PLPP1: variants seen among roughly 807,000 people sequenced by gnomAD.
The protein encoded by PLPP1 is phospholipid phosphatase 1, also known as lipid phosphate phosphohydrolase 1a.
Under a neutral mutation model 31.2 loss-of-function variants are expected in PLPP1, and 24 were observed. The ratio of observed to expected loss-of-function variants is 0.77; its 90% CI spans 0.56 to 1.08. PLPP1 has a LOEUF of 1.08. Ranked by LOEUF, PLPP1 falls within the 50% of genes least tolerant of loss-of-function variation. The pLI, the probability that PLPP1 is intolerant of heterozygous loss-of-function variation, is 0.00. For missense variants in PLPP1, 319 were observed against 342.7 expected (o/e 0.93, Z 0.55); for synonymous variants, 146 against 126.3 (o/e 1.16, Z -1.05).
chr5:55,446,345 AAT>A (rs1017331170), intron 3 of PLPP1, among the ~76,000 whole-genome samples: 3 of 152,190 alleles, frequency 2.0e-5, no homozygotes, highest in African/African-American at 4.8e-5. Context: ...CTGCTTAATC[AAT>A]ATGTTACACT....
chr5:55,527,264 T>C (rs1267611631), intron 1 of PLPP1, among the ~76,000 whole-genome samples: 1 of 152,188 alleles, frequency 6.6e-6, no homozygotes, highest in Non-Finnish European at 1.5e-5. Context: ...GATGTCAGCA[T>C]TATGGTAATA....
intron 3 of PLPP1, among the ~76,000 whole-genome samples, chr5:55,454,166 C>T (rs1235398586): frequency 2.0e-5 from 3 of 152,014 alleles, no homozygotes; most frequent in Admixed American, 2.0e-4. Flanking sequence ...ATAAACATTA[C>T]CCCAGAAGCA....
At chr5:55,495,414 T>C (rs1049660927) in intron 1 of PLPP1, among the ~76,000 whole-genome samples, 1 of 152,094 alleles carries the variant, frequency 6.6e-6, no homozygotes, top group African/African-American at 2.4e-5. Flanking sequence ...TTCAGCAGCA[T>C]AGTCTGGCCA....
At chr5:55,514,439 C>T (rs1178909411) in intron 1 of PLPP1, among the ~76,000 whole-genome samples, 2 of 152,070 alleles carry the variant, frequency 1.3e-5, no homozygotes, top group Admixed American at 1.3e-4. Context: ...CCTGACACCT[C>T]AGCTGGTTTT....
intron 3 of PLPP1, among the ~76,000 whole-genome samples, chr5:55,455,458 G>A (rs571429865): frequency 1.8e-4 from 27 of 152,134 alleles, no homozygotes; most frequent in African/African-American, 6.3e-4. Flanking sequence ...GCCAAGCATG[G>A]TGGCTACACC....
intron 4 of PLPP1, among the ~76,000 whole-genome samples, chr5:55,432,668 A>ATAT (rs3070036): frequency 0.87 from 131,963 of 151,766 alleles, 57,621 homozygotes; most frequent in South Asian, 0.92. Flanking sequence ...CATCAAAAAG[A>ATAT]TATGCCACGA....
At chr5:55,434,878 A>G (rs1231565088) in intron 4 of PLPP1, among the ~76,000 whole-genome samples, 1 of 152,226 alleles carries the variant, frequency 6.6e-6, no homozygotes, top group Non-Finnish European at 1.5e-5. Context: ...CCTTGAACAC[A>G]GAGGCAATAA....
chr5:55,439,835 A>G (rs1302688518), intron 4 of PLPP1, among the ~76,000 whole-genome samples: 1 of 152,208 alleles, frequency 6.6e-6, no homozygotes, highest in African/African-American at 2.4e-5. Context: ...ATTTTCTTTA[A>G]AATTACAAAC....
At chr5:55,450,602 CA>C (rs1360489581) in intron 3 of PLPP1, among the ~76,000 whole-genome samples, 1 of 151,960 alleles carries the variant, frequency 6.6e-6, no homozygotes, top group East Asian at 1.9e-4. Context: ...AGGCTGCTGA[CA>C]AAAAGGGTAA....
intron 1 of PLPP1, among the ~76,000 whole-genome samples, chr5:55,505,166 A>G (rs1753246467): frequency 6.6e-6 from 1 of 151,772 alleles, no homozygotes; most frequent in African/African-American, 2.4e-5. Flanking sequence ...CCTCCTCCCA[A>G]TTTTACCCTC....
At chr5:55,523,185 G>T (rs934706460) in intron 1 of PLPP1, among the ~76,000 whole-genome samples, 3 of 151,930 alleles carry the variant, frequency 2.0e-5, no homozygotes, top group African/African-American at 7.3e-5. Context: ...TTACATCAGG[G>T]TAAATGGGGT....
At chr5:55,524,379 A>G (rs554075916) in intron 1 of PLPP1, among the ~76,000 whole-genome samples, 1 of 152,346 alleles carries the variant, frequency 6.6e-6, no homozygotes, top group African/African-American at 2.4e-5. Context: ...GGGTCGGACA[A>G]GCTTGGTTTA....
chr5:55,473,315 T>C (rs1195044968), intron 2 of PLPP1, among the ~76,000 whole-genome samples: 3 of 152,296 alleles, frequency 2.0e-5, no homozygotes, highest in East Asian at 3.9e-4. Flanking sequence ...TATAGTTTCC[T>C]TCATACAGTT....
chr5:55,495,612 A>C (rs547733543), intron 1 of PLPP1, among the ~76,000 whole-genome samples: 1 of 152,268 alleles, frequency 6.6e-6, no homozygotes, highest in East Asian at 1.9e-4. Context: ...CACTAATACA[A>C]CAATGGTATC....
chr5:55,440,723 G>A (rs1579924337), intron 4 of PLPP1, among the ~76,000 whole-genome samples: 1 of 152,030 alleles, frequency 6.6e-6, no homozygotes, highest in African/African-American at 2.4e-5. Flanking sequence ...TTTAATGTTT[G>A]GAATTTGTTT....
intron 1 of PLPP1, among the ~76,000 whole-genome samples, chr5:55,518,215 A>C (rs988603055): frequency 2.6e-5 from 4 of 152,026 alleles, no homozygotes; most frequent in Non-Finnish European, 5.9e-5. Context: ...AATTTCCCAA[A>C]TCTCCCTAAT....
chr5:55,465,217 G>C (rs1351899952), intron 3 of PLPP1, among the ~76,000 whole-genome samples: 1 of 151,808 alleles, frequency 6.6e-6, no homozygotes, highest in African/African-American at 2.4e-5. Context: ...GCTACTTTTT[G>C]TATTTTTAGT....
intron 4 of PLPP1, among the ~76,000 whole-genome samples, chr5:55,436,600 T>C (rs1185907539): frequency 1.3e-4 from 20 of 152,182 alleles, no homozygotes; most frequent in Non-Finnish European, 2.9e-5. Flanking sequence ...CTCCAAAACG[T>C]GTGGCTCCGC....
intron 1 of PLPP1, among the ~76,000 whole-genome samples, chr5:55,495,092 T>C (rs1255027093): frequency 3.4e-5 from 5 of 147,886 alleles, no homozygotes; most frequent in African/African-American, 1.0e-4. Flanking sequence ...GATGGCGCCA[T>C]TGCACTCCAG....
Sources: allele counts gnomAD v4.1 joint callset (sites outside exome capture counted in the v4.1 genomes callset), GRCh38; gene constraint gnomAD v4.1.1; transcripts MANE v1.5; gene names NCBI Gene and HGNC (gene_info 2026-07-23, HGNC 2026-07-21).